Variants in SPTLC2 observed in about 807,000 individuals in gnomAD.
SPTLC2 encodes serine palmitoyltransferase long chain base subunit 2.
SPTLC2 carries 21 observed loss-of-function variants against 62.0 expected under a neutral mutation model. The ratio of observed to expected loss-of-function variants is 0.34; its 90% CI spans 0.24 to 0.49. The LOEUF (loss-of-function observed/expected upper bound fraction) is 0.49. Among genes scored for constraint, SPTLC2 ranks in the 20% least tolerant of loss-of-function variants. The pLI is 0.99. For synonymous variants in SPTLC2, 261 were observed against 261.8 expected (o/e 1.00, Z 0.03); for missense variants, 511 against 713.0 (o/e 0.72, Z 3.23).
intron 8 of SPTLC2, chr14:77,554,721 T>C (rs2079573577): frequency 6.3e-6 from 1 of 159,848 alleles, no homozygotes; most frequent in Non-Finnish European, 1.4e-5. Flanking sequence ...CCTCTGTCTT[T>C]ATGGTTCACC....
intron 5 of SPTLC2, among the ~76,000 whole-genome samples, chr14:77,565,960 C>T (rs1169454955): frequency 1.3e-5 from 2 of 152,234 alleles, no homozygotes; most frequent in South Asian, 2.1e-4. Context: ...ATTGAAAAAG[C>T]GAAACTGGGG....
chr14:77,516,424 C>A (rs1227820944), intron 11 of SPTLC2, among the ~76,000 whole-genome samples: 2 of 152,034 alleles, frequency 1.3e-5, no homozygotes, highest in Non-Finnish European at 2.9e-5. Flanking sequence ...GTTATAGTTA[C>A]ACAGACTTTT....
intron 9 of SPTLC2, among the ~76,000 whole-genome samples, chr14:77,551,610 T>C (rs900812425): frequency 3.9e-5 from 6 of 152,174 alleles, no homozygotes; most frequent in African/African-American, 1.4e-4. Flanking sequence ...TCAAGGCATC[T>C]AGTTGGGACT....
chr14:77,506,351 A>G lies in SPTLC2; in HGVS notation c.*5933T>C, dbSNP rs545830314. The G allele has an allele frequency of 6.6e-6, 1 of 152,348 alleles. No individual in the cohort carries two copies. The highest frequency in any genetic ancestry group is 2.4e-5 in the African/African-American group (1 of 41,586). 9.4% of individuals were successfully genotyped at this position (152,348 alleles called of 1,614,324 possible). On this transcript the variant is annotated 3_prime_UTR_variant, in exon 12 of 12. Transcript: ENST00000216484. ...CATCCCCTTGCAAATTCCAGTTTAC[A>G]GGTAACTTGGTCAGGGGAAAAATAT...
At chr14:77,556,892 T>C in intron 7 of SPTLC2, 149 bp downstream of exon 7, 1 of 676,274 alleles carries the variant, frequency 1.5e-6, no homozygotes, top group East Asian at 2.7e-5. Flanking sequence ...TCTGTTCTAA[T>C]GCTGACTCTG....
At chr14:77,587,835 A>G (rs902925807) in intron 2 of SPTLC2, among the ~76,000 whole-genome samples, 65 of 151,464 alleles carry the variant, frequency 4.3e-4, no homozygotes, top group Middle Eastern at 3.4e-3. Context: ...AAAGATTTCA[A>G]GACATTTCAT....
At chr14:77,590,617 C>G (rs1463180468) in intron 2 of SPTLC2, among the ~76,000 whole-genome samples, 1 of 152,156 alleles carries the variant, frequency 6.6e-6, no homozygotes, top group Non-Finnish European at 1.5e-5. Context: ...GAGGCTGAGG[C>G]AGGAGAATTG....
intron 9 of SPTLC2, among the ~76,000 whole-genome samples, chr14:77,527,711 A>G (rs2079416027): frequency 6.7e-6 from 1 of 148,964 alleles, no homozygotes; most frequent in African/African-American, 2.5e-5. Context: ...ACAGTGTTCT[A>G]TAAATTTTCT....
intron 2 of SPTLC2, among the ~76,000 whole-genome samples, chr14:77,595,671 T>C (rs2079842829): frequency 6.6e-6 from 1 of 152,196 alleles, no homozygotes; most frequent in Non-Finnish European, 1.5e-5. Flanking sequence ...CTGACAATGT[T>C]TTCGTGATAT....
At chr14:77,523,332 G>T (rs2139996057) in intron 9 of SPTLC2, among the ~76,000 whole-genome samples, 1 of 152,330 alleles carries the variant, frequency 6.6e-6, no homozygotes, top group South Asian at 2.1e-4. Context: ...CTGCCTGAAG[G>T]CAGGTTGCAG....
chr14:77,588,929 C>T (rs575731057), intron 2 of SPTLC2, among the ~76,000 whole-genome samples: 19 of 119,498 alleles, frequency 1.6e-4, no homozygotes, highest in Non-Finnish European at 2.5e-4. Context: ...ACAGGGAGGT[C>T]GAGGCTGCAG....
rs757746741 is a variant in SPTLC2, at chr14:77,512,314, G to A, written c.1659C>T (p.Asp553=). The A allele has an allele frequency of 1.9e-5, 30 of 1,614,036 alleles. No individual in the cohort carries two copies. Among genetic ancestry groups the A allele is most frequent in the Admixed American group, 8.3e-5 (5 of 59,996 alleles). ...CTTCTGTTTCTTCATACGTCGTCTC[G>A]TCAAAGGGCCTGTCCAGTAGAGGTA... The part of the protein sequence containing the change: ...RLVPLLDRPF[D]ETTYEETED The change falls in exon 12 of 12, where the codon GAC becomes GAT. Residue 553 remains aspartate (D), a synonymous_variant. Coordinates refer to ENST00000216484, the MANE Select transcript of SPTLC2 (RefSeq NM_004863.4).
chr14:77,529,620 C>CTTTCTTTTT lies in SPTLC2; in HGVS notation c.1304-8040_1304-8039insAAAAAGAAA, dbSNP rs1555373703. On this transcript the variant is annotated intron_variant, in intron 9 of 11. Transcript: ENST00000216484. ...TTCTAGGAAAGCAATTTCTTTCTTT[C>CTTTCTTTTT]TTTTTTTTTTTTTTTTTTTTTTGAG... Among the ~76,000 whole-genome samples the CTTTCTTTTT allele has an allele frequency of 1.3e-3, 96 of 76,064 alleles. 8 individuals are homozygous for CTTTCTTTTT. The highest frequency in any genetic ancestry group is 7.3e-3 in the East Asian group (10 of 1,370). 49.9% of individuals were successfully genotyped at this position (76,064 alleles called of 152,430 possible). A position where few individuals can be genotyped will look rare whatever the true frequency, so the allele number is the denominator to read the frequency against.
rs763319719 is a variant in SPTLC2 at position 77,512,414 on chromosome 14, C to T, written c.1570-11G>A. ...TATCTCCTTTAAAGCCTAAAATACA[C>T]AAGACAAAGTAGAGGTCTGTCAGAG... On this transcript the variant is annotated splice_polypyrimidine_tract_variant and intron_variant, in intron 11 of 11. Coordinates refer to ENST00000216484, the MANE Select transcript of SPTLC2 (RefSeq NM_004863.4). 7 of 1,614,212 alleles carry T rather than the reference C, an allele frequency of 4.3e-6. No individual in the cohort carries two copies. In the South Asian group the frequency reaches 7.7e-5, roughly 18 times the overall value.
intron 9 of SPTLC2, among the ~76,000 whole-genome samples, chr14:77,550,036 G>A (rs1354930406): frequency 6.6e-6 from 1 of 152,190 alleles, no homozygotes; most frequent in Non-Finnish European, 1.5e-5. Flanking sequence ...ATATATGTCT[G>A]TCTCTCAGAT....
At chr14:77,603,362 T>C (rs1245650300) in intron 1 of SPTLC2, among the ~76,000 whole-genome samples, 2 of 152,236 alleles carry the variant, frequency 1.3e-5, no homozygotes, top group East Asian at 3.8e-4. Flanking sequence ...CTATTCATTT[T>C]CAAGTGCTAT....
At chr14:77,553,693 TG>T (rs2079567245) in intron 8 of SPTLC2, among the ~76,000 whole-genome samples, 1 of 127,868 alleles carries the variant, frequency 7.8e-6, no homozygotes, top group African/African-American at 3.1e-5. Flanking sequence ...ATTGTGCCAC[TG>T]AACTCCAGCC....
chr14:77,530,083 CAT>C (rs978567031), intron 9 of SPTLC2, among the ~76,000 whole-genome samples: 1 of 152,132 alleles, frequency 6.6e-6, no homozygotes, highest in African/African-American at 2.4e-5. Flanking sequence ...GCTAACTCCA[CAT>C]GTTAGAACAA....
chr14:77,563,264 A>G (rs1457591641), intron 5 of SPTLC2, among the ~76,000 whole-genome samples: 1 of 152,176 alleles, frequency 6.6e-6, no homozygotes, highest in Non-Finnish European at 1.5e-5. Context: ...AAGAGAGAAG[A>G]TACAAAGACA....
Sources: allele counts gnomAD v4.1 joint callset (sites outside exome capture counted in the v4.1 genomes callset), GRCh38; gene constraint gnomAD v4.1.1; transcripts MANE v1.5; gene names NCBI Gene and HGNC (gene_info 2026-07-23, HGNC 2026-07-21).